The following ANK3 variants were observed in gnomAD, a reference collection of about 807,000 sequenced individuals.
The protein encoded by ANK3 is ankyrin-3.
In ANK3, 57 loss-of-function variants were observed where a neutral mutation model predicts 370.9. The observed-to-expected ratio is 0.15, with a 90% CI of 0.12 to 0.19. ANK3 has a LOEUF of 0.19. Among genes scored for constraint, ANK3 ranks in the 10% least tolerant of loss-of-function variants. ANK3 has a pLI of 1.00. For missense variants in ANK3, 4,439 were observed against 5,302.1 expected (o/e 0.84, Z 5.06); for synonymous variants, 1,929 against 1,946.3 (o/e 0.99, Z 0.23).
Position 60,134,286 on chromosome 10 carries a change from C to T in ANK3, c.2826G>A (p.Val942=), listed in dbSNP as rs1040578439. The T allele has an allele frequency of 3.1e-6, 5 of 1,613,614 alleles. No homozygotes were observed. The African/African-American group carries it at 6.7e-5, about 22-fold the overall frequency. Residue 942 remains valine (V), a synonymous_variant, in exon 25 of 44, where the codon GTG becomes GTA. Transcript: ENST00000280772. Reference sequence around the variant, plus strand: ...GAATGCATACCTGCTCTTTGGATGGCACAAGGAGTTCTTCAATCATCATGC... The same window carrying T: ...GAATGCATACCTGCTCTTTGGATGGTACAAGGAGTTCTTCAATCATCATGC... ...RDSMMIEELL[V]PSKEQHLTFT... is the part of the protein sequence containing the mutation.
At chr10:60,390,590 G>C (rs2063009635), upstream of ANK3, among the ~76,000 whole-genome samples, 1 of 152,016 alleles carries the variant, frequency 6.6e-6, no homozygotes, top group African/African-American at 2.4e-5. Flanking sequence ...CTTCTGCTAG[G>C]ATGCACACAC....
In ANK3 at chr10:60,471,774, A is replaced by G. The variant is rs562196299; in HGVS notation, c.96+143412T>C. 7.2e-5 allele frequency among the ~76,000 whole-genome samples: 11 copies of G among 152,202 alleles called. No homozygotes were observed. In the East Asian group the frequency reaches 2.1e-3, roughly 29 times the overall value. On this transcript the variant is annotated intron_variant, in intron 2 of 43. Coordinates refer to the ANK3 transcript ENST00000373827. ...ACTTTTTACCCAAGGCCTGACAACA[A>G]AATTCTATACTAAAATGCTAAACAG...
At chr10:60,195,418 A>G (rs2096571334) in intron 16 of ANK3, among the ~76,000 whole-genome samples, 1 of 151,528 alleles carries the variant, frequency 6.6e-6, no homozygotes, top group Non-Finnish European at 1.5e-5. Context: ...GAGAAGGATC[A>G]TAAGGGATAC....
intron 8 of ANK3, among the ~76,000 whole-genome samples, chr10:60,215,977 T>G (rs2096930592): frequency 6.6e-6 from 1 of 152,244 alleles, no homozygotes; most frequent in African/African-American, 2.4e-5. Flanking sequence ...TTTCTATCCA[T>G]GAAGATGGAA....
intron 4 of ANK3, among the ~76,000 whole-genome samples, chr10:60,277,562 A>T (rs569923062): frequency 4.7e-4 from 72 of 152,318 alleles, no homozygotes; most frequent in Non-Finnish European, 9.1e-4. Context: ...TTGCCATCCA[A>T]AGATCTCACT....
rs758255236 is a variant in ANK3 at position 60,072,616 on chromosome 10, C to T, written c.8265G>A (p.Lys2755=). The T allele has an allele frequency of 1.2e-6, 2 of 1,614,048 alleles. No individual in the cohort carries two copies. The highest frequency in any genetic ancestry group is 1.1e-5 in the South Asian group (1 of 91,056). ...TAGCAAAAACTTGGTAGACGGGTAG[C>T]TTGCTCTCCTGTATTTTTTTAACTG... ...RIPVKKIQES[K]LPVYQVFARE... The change falls in exon 37 of 44, where the codon AAG becomes AAA. Residue 2755 remains lysine (K), a synonymous_variant. Coordinates refer to ENST00000280772, the MANE Select transcript of ANK3 (RefSeq NM_020987.5).
rs72822245 is a variant in ANK3, at chr10:60,298,968, C to G, written c.115-19329G>C. On this transcript the variant is annotated intron_variant, in intron 1 of 43. Transcript: ENST00000280772. ...GAATACACATCAAAATTTAACAGTA[C>G]AGTTTGAAAGTTTTGGATGGGTAAG... Among the ~76,000 whole-genome samples, 807 of 152,262 alleles carry G rather than the reference C, an allele frequency of 5.3e-3. 4 individuals are homozygous for G. The highest frequency in any genetic ancestry group is 9.7e-3 in the South Asian group (47 of 4,826).
rs36007469 is a variant in ANK3, at chr10:60,292,362, GA to G, written c.115-12724del. On this transcript the variant is annotated intron_variant, in intron 1 of 43. Transcript: ENST00000280772. ...AGAGAAATAGTAATATCTTGCTCTG[GA>G]AAAAAAAAAAAGTCTATCCATTGCA... Among the ~76,000 whole-genome samples, 1,004 of 140,644 alleles carry G rather than the reference GA, an allele frequency of 7.1e-3. 4 individuals carry two copies. The highest frequency in any genetic ancestry group is 0.015 in the South Asian group (66 of 4,468). 92.3% of individuals were successfully genotyped at this position (140,644 alleles called of 152,430 possible). A position where few individuals can be genotyped will look rare whatever the true frequency, so the allele number is the denominator to read the frequency against.
At chr10:60,410,359 A>T (rs1049890443) in intron 2 of ANK3, among the ~76,000 whole-genome samples, 2 of 151,860 alleles carry the variant, frequency 1.3e-5, no homozygotes, top group African/African-American at 4.8e-5. Flanking sequence ...CCAGGTGTTT[A>T]GCTCCATGGG....
At chr10:60,503,824 G>A (rs2075866359) in intron 2 of ANK3, among the ~76,000 whole-genome samples, 1 of 152,098 alleles carries the variant, frequency 6.6e-6, no homozygotes, top group African/African-American at 2.4e-5. Context: ...TTTGTCCAAG[G>A]TCAAGACATT....
At chr10:60,049,326 C>T (rs762840942) in intron 42 of ANK3, among the ~76,000 whole-genome samples, 3 of 152,178 alleles carry the variant, frequency 2.0e-5, no homozygotes, top group African/African-American at 4.8e-5. Flanking sequence ...CAGTGGCTCA[C>T]GCCTGTAATC....
intron 1 of ANK3, among the ~76,000 whole-genome samples, chr10:60,326,769 C>A (rs2049974748): frequency 6.6e-6 from 1 of 152,118 alleles, no homozygotes; most frequent in Non-Finnish European, 1.5e-5. Context: ...TGCCTGTAAT[C>A]CCAGCACTTC....
rs186429250 is a variant in ANK3, at chr10:60,216,660, G to A, written c.898-3150C>T. Among the ~76,000 whole-genome samples, 234 of 152,200 alleles carry A rather than the reference G, an allele frequency of 1.5e-3. 2 individuals carry two copies. The highest frequency in any genetic ancestry group is 4.8e-3 in the African/African-American group (200 of 41,516). On this transcript the variant is annotated intron_variant, in intron 8 of 43. Coordinates refer to ENST00000280772, the MANE Select transcript of ANK3 (RefSeq NM_020987.5). ...AGTTTTTTGATGTGCTGCTGGTTTC[G>A]GTTTGCCAGTATTTTACTGAGGATT...
chr10:60,537,719 A>G (rs1399674319), intron 2 of ANK3, among the ~76,000 whole-genome samples: 5 of 152,020 alleles, frequency 3.3e-5, no homozygotes, highest in Admixed American at 3.3e-4. Flanking sequence ...AATATTCCCA[A>G]GCAGGCTTAT....
At chr10:60,587,404 G>C (rs1391762502) in intron 2 of ANK3, among the ~76,000 whole-genome samples, 1 of 152,082 alleles carries the variant, frequency 6.6e-6, no homozygotes, top group African/African-American at 2.4e-5. Context: ...AATTCCTTAG[G>C]CTTAAAACTC....
chr10:60,513,558 A>C, intron 2 of ANK3, among the ~76,000 whole-genome samples: 1 of 152,234 alleles, frequency 6.6e-6, no homozygotes, highest in East Asian at 1.9e-4. Context: ...GGTTAGTGTG[A>C]GTAGGAAAAA....
intron 24 of ANK3, among the ~76,000 whole-genome samples, chr10:60,136,732 T>C (rs1161011731): frequency 6.6e-6 from 1 of 152,208 alleles, no homozygotes; most frequent in Admixed American, 6.5e-5. Flanking sequence ...CTAAAGTTCC[T>C]ACTTCTGATC....
At chr10:60,273,979 A>G (rs1018283616) in intron 4 of ANK3, among the ~76,000 whole-genome samples, 4 of 152,190 alleles carry the variant, frequency 2.6e-5, no homozygotes, top group African/African-American at 7.2e-5. Flanking sequence ...TAGCAGCATC[A>G]GAACAAGCTA....
At chr10:60,582,764 T>A (rs1362386997) in intron 2 of ANK3, among the ~76,000 whole-genome samples, 5 of 152,018 alleles carry the variant, frequency 3.3e-5, no homozygotes, top group African/African-American at 1.2e-4. Context: ...ATTCCGTAGG[T>A]TGTCTTTTTG....
Sources: gnomAD v4.1 joint callset for allele counts (sites outside exome capture counted in the v4.1 genomes callset) on GRCh38, gnomAD v4.1.1 for gene constraint, MANE v1.5 for transcripts, NCBI Gene and HGNC (gene_info 2026-07-23, HGNC 2026-07-21) for gene names.